Variants in MPRIP observed in about 807,000 individuals in gnomAD.
The protein encoded by MPRIP is myosin phosphatase Rho interacting protein.
Under a neutral mutation model 234.9 loss-of-function variants are expected in MPRIP, and 59 were observed. That is an observed-to-expected ratio of 0.25 (90% CI 0.20 to 0.31). MPRIP has a LOEUF of 0.31. Ranked by LOEUF, MPRIP falls within the 10% of genes least tolerant of loss-of-function variation. The pLI, the probability that MPRIP is intolerant of heterozygous loss-of-function variation, is 1.00. For synonymous variants in MPRIP, 1,144 were observed against 1,263.9 expected, an observed-to-expected ratio of 0.91 and a Z score of 2.01; for missense variants, 2,436 against 3,071.0, an observed-to-expected ratio of 0.79 and a Z score of 4.89.
chr17:17,157,707 A>T (rs981871102), intron 13 of MPRIP, among the ~76,000 whole-genome samples: 3 of 152,120 alleles, frequency 2.0e-5, no homozygotes, highest in Admixed American at 6.6e-5. Flanking sequence ...GCATGCCGGT[A>T]ATCCCAGCTA....
At position 17,078,144 on chromosome 17, in the gene MPRIP, C is replaced by A; in HGVS notation, c.267+68C>A. On this transcript the variant is annotated intron_variant, in intron 3 of 23. Coordinates refer to ENST00000651222, the MANE Select transcript of MPRIP (RefSeq NM_001364716.4). The surrounding 1 kb of genome is among the most constrained non-coding windows in gnomAD (Gnocchi z 4.3). ...AAGTCCCTCCATTACAGTGCCCTTGCGTTGTCATGTGAGAGCACAGCAGCC... is the reference window on the plus strand; with the variant it reads ...AAGTCCCTCCATTACAGTGCCCTTGAGTTGTCATGTGAGAGCACAGCAGCC... 2.0e-6 allele frequency: 3 copies of A among 1,518,176 alleles called. No individual in the cohort carries two copies. The highest frequency in any genetic ancestry group is 2.2e-5 in the South Asian group (2 of 89,126). 94.0% of individuals were successfully genotyped at this position (1,518,176 alleles called of 1,614,324 possible).
intron 2 of MPRIP, chr17:17,076,936 C>CTTTTTTTTTTTTTTTT (rs5819598): frequency 3.3e-5 from 3 of 91,386 alleles, no homozygotes; most frequent in African/African-American, 1.3e-4. Flanking sequence ...GGGCTCTTTG[C>CTTTTTTTTTTTTTTTT]TTTTTTTTTT....
Position 17,165,852 on chromosome 17 carries a change from C to G in MPRIP, c.4261C>G (p.Gln1421Glu). The G allele has an allele frequency of 1.5e-6, 2 of 1,304,234 alleles. No homozygotes were observed. Among genetic ancestry groups the G allele is most frequent in the Non-Finnish European group, 2.0e-6 (2 of 988,966 alleles). 80.8% of individuals were successfully genotyped at this position (1,304,234 alleles called of 1,614,324 possible). The change falls in exon 16 of 24, where the codon CAG becomes GAG. Residue 1421 changes from glutamine to glutamate, a missense_variant. By Grantham distance (29) the Gln-to-Glu change is conservative. Coordinates refer to ENST00000651222, the MANE Select transcript of MPRIP (RefSeq NM_001364716.4). ...TGAGGCACTGCTCGCACTGCACCAC[C>G]AGTGGGCGGGCACCGAGGCCCAGCT... is the stretch of plus-strand genomic sequence containing the variant. Reference protein sequence around the residue: ...SREALLALHHQWAGTEAQLRE... With the variant: ...SREALLALHHEWAGTEAQLRE...
intron 1 of MPRIP, among the ~76,000 whole-genome samples, chr17:17,043,791 C>A (rs1449808352): frequency 1.3e-5 from 2 of 152,200 alleles, no homozygotes; most frequent in African/African-American, 4.8e-5. Context: ...GCTGTTTGAA[C>A]TCCTAGTGTT....
chr17:17,125,363 G>A (rs2090471495), intron 3 of MPRIP, among the ~76,000 whole-genome samples: 1 of 152,218 alleles, frequency 6.6e-6, no homozygotes, highest in Non-Finnish European at 1.5e-5. Context: ...CACGGGGGAT[G>A]GCTGAGTCCA....
rs2046357415 is a variant in MPRIP, at chr17:17,180,758, G to C, written c.7206+670G>C. On this transcript the variant is annotated intron_variant, in intron 23 of 23. Coordinates refer to ENST00000651222, the MANE Select transcript of MPRIP (RefSeq NM_001364716.4). ...TGGTTACTTTATTTCAATTCATCCT[G>C]CTCCAACAAACACATACCAAATCCA... 5.9e-6 allele frequency: 8 copies of C among 1,351,608 alleles called. No homozygotes were observed. The East Asian group carries it at 1.6e-4, about 27-fold the overall frequency. 83.7% of individuals were successfully genotyped at this position (1,351,608 alleles called of 1,614,324 possible). A position where few individuals can be genotyped will look rare whatever the true frequency, so the allele number is the denominator to read the frequency against.
intron 7 of MPRIP, among the ~76,000 whole-genome samples, chr17:17,139,348 T>TGG (rs1164695998): frequency 1.3e-5 from 2 of 152,344 alleles, no homozygotes; most frequent in East Asian, 3.9e-4. Context: ...CTTACAGACT[T>TGG]CTGGAGGTCC....
At chr17:17,131,842 G>A in intron 5 of MPRIP, 141 bp downstream of exon 5, 2 of 733,114 alleles carry the variant, frequency 2.7e-6, no homozygotes, top group East Asian at 2.7e-5. Context: ...CCTTGCTTTG[G>A]GCTGCAATCT....
At chr17:17,088,519 C>T (rs890556987) in intron 3 of MPRIP, among the ~76,000 whole-genome samples, 1 of 152,202 alleles carries the variant, frequency 6.6e-6, no homozygotes, top group Non-Finnish European at 1.5e-5. Context: ...GTTGAAAAAG[C>T]AAAGCCACAT....
intron 12 of MPRIP, among the ~76,000 whole-genome samples, chr17:17,152,784 A>C (rs2144565089): frequency 6.6e-6 from 1 of 152,306 alleles, no homozygotes; most frequent in South Asian, 2.1e-4. Context: ...TTAGAAAGGA[A>C]CCAGGCTGGC....
rs535756611 is a variant in MPRIP, at chr17:17,177,305, C to T, written c.7013C>T (p.Ala2338Val). 39 of 1,614,014 alleles carry T rather than the reference C, an allele frequency of 2.4e-5. No homozygotes were observed. Among genetic ancestry groups the T allele is most frequent in the South Asian group, 3.3e-5 (3 of 91,088 alleles). The change falls in exon 22 of 24, where the codon GCG becomes GTG. Residue 2338 changes from alanine to valine, a missense_variant. Coordinates refer to ENST00000651222, the MANE Select transcript of MPRIP (RefSeq NM_001364716.4). ...GACATCTACACAGAGCTCAGCATCGCGAAGGCTAAGGCTGACTGTGACATC... is the reference window on the plus strand; with the variant it reads ...GACATCTACACAGAGCTCAGCATCGTGAAGGCTAAGGCTGACTGTGACATC... ...YKDIYTELSI[A>V]KAKADCDISR... is the part of the protein sequence containing the mutation.
chr17:17,172,906 A>T, intron 18 of MPRIP, 91 bp downstream of exon 18: 1 of 1,212,134 alleles, frequency 8.2e-7, no homozygotes, highest in Non-Finnish European at 1.2e-6. Context: ...GTCTTTGCAG[A>T]GGCCTCCAGA....
At chr17:17,160,454 C>A (rs1357683519) in intron 14 of MPRIP, among the ~76,000 whole-genome samples, 1 of 152,238 alleles carries the variant, frequency 6.6e-6, no homozygotes, top group Non-Finnish European at 1.5e-5. Flanking sequence ...CTGTCCACCA[C>A]ACACACAGCT....
intron 1 of MPRIP, among the ~76,000 whole-genome samples, chr17:17,066,952 G>T (rs1360479966): frequency 6.6e-6 from 1 of 151,098 alleles, no homozygotes; most frequent in Non-Finnish European, 1.5e-5. Context: ...GTAGAAACAG[G>T]GTCTTGTAGT....
chr17:17,166,516 A>G lies in MPRIP; in HGVS notation c.4925A>G (p.Glu1642Gly). The G allele has an allele frequency of 7.7e-7, 1 of 1,304,206 alleles. No individual in the cohort carries two copies. The highest frequency in any genetic ancestry group is 1.0e-6 in the Non-Finnish European group (1 of 988,946). The allele number at this position is 1,304,206 out of a possible 1,614,324, so 80.8% of individuals were successfully genotyped here. The change falls in exon 16 of 24, where the codon GAG (glutamate) becomes GGG (glycine). Residue 1642 changes from glutamate to glycine, a missense_variant. Physicochemically the swap from Glu to Gly is moderately conservative, Grantham distance 98. Coordinates refer to ENST00000651222, the MANE Select transcript of MPRIP (RefSeq NM_001364716.4). The surrounding 1 kb of genome is among the most constrained non-coding windows in gnomAD (Gnocchi z 4.4). ...LRKHLGTLGG[E>G]AVGASGDGQQ... is the part of the protein sequence containing the mutation. Reference sequence around the variant, plus strand: ...AAGCACTTGGGGACACTGGGAGGAGAGGCAGTCGGTGCCTCAGGAGACGGG... The same window carrying G: ...AAGCACTTGGGGACACTGGGAGGAGGGGCAGTCGGTGCCTCAGGAGACGGG...
At chr17:17,057,679 A>G (rs751369624) in intron 1 of MPRIP, 19 of 717,916 alleles carry the variant, frequency 2.6e-5, no homozygotes, top group African/African-American at 3.5e-5. Flanking sequence ...GCTCACATAT[A>G]TGATGCACGA....
intron 3 of MPRIP, chr17:17,097,089 G>T (rs2089864128): frequency 5.1e-6 from 1 of 197,740 alleles, no homozygotes; most frequent in Non-Finnish European, 1.1e-5. Flanking sequence ...CATGCAAAAG[G>T]CAGGATCAGC....
At chr17:17,152,167 G>A (rs571338518) in intron 12 of MPRIP, among the ~76,000 whole-genome samples, 1 of 152,398 alleles carries the variant, frequency 6.6e-6, no homozygotes, top group East Asian at 1.9e-4. Flanking sequence ...AGGCTACACT[G>A]ACAGCCTGGC....
chr17:17,115,884 G>A (rs537077563), intron 3 of MPRIP, among the ~76,000 whole-genome samples: 2 of 152,136 alleles, frequency 1.3e-5, no homozygotes, highest in South Asian at 2.1e-4. Context: ...TTCCTCAGGG[G>A]CCTGCATCTC....
Sources: allele counts gnomAD v4.1 joint callset (sites outside exome capture counted in the v4.1 genomes callset), GRCh38; gene constraint gnomAD v4.1.1; non-coding constraint Gnocchi (gnomAD v3.1); transcripts MANE v1.5; gene names NCBI Gene and HGNC (gene_info 2026-07-23, HGNC 2026-07-21).